The following CHKA variants were observed in gnomAD, a reference collection of about 807,000 sequenced individuals.
The protein encoded by CHKA is CHETK-alpha.
CHKA carries 34 observed loss-of-function variants against 60.1 expected under a neutral mutation model. That is an observed-to-expected ratio of 0.57 (90% CI 0.43 to 0.75). The LOEUF (loss-of-function observed/expected upper bound fraction) is 0.75. Ranked by LOEUF, CHKA falls within the 30% of genes least tolerant of loss-of-function variation. The pLI is 0.00. For synonymous variants in CHKA, 217 were observed against 223.1 expected (o/e 0.97, Z 0.24); for missense variants, 563 against 561.3 (o/e 1.00, Z -0.03).
In CHKA at chr11:68,070,827, A is replaced by G. The variant is rs368758229; in HGVS notation, c.661T>C (p.Leu221=). The change falls in exon 5 of 12, where the codon TTG becomes CTG. Residue 221 remains leucine (L), a synonymous_variant. Coordinates refer to ENST00000265689, the MANE Select transcript of CHKA (RefSeq NM_001277.3). ...SRRLDTEELS[L]PDISAEIAEK... The stretch of plus-strand genomic sequence containing the variant: ...GCGATTTCTGCAGAAATATCTGGCA[A>G]ACTTAATTCTTCAGTATCTAATCGC... 4.3e-6 allele frequency: 7 copies of G among 1,612,800 alleles called. No homozygotes were observed. In the African/African-American group the frequency reaches 9.3e-5, roughly 22 times the overall value.
At chr11:68,088,625 T>C (rs1165366766) in intron 2 of CHKA, among the ~76,000 whole-genome samples, 3 of 152,158 alleles carry the variant, frequency 2.0e-5, no homozygotes, top group Non-Finnish European at 4.4e-5. Context: ...TCAATTAACA[T>C]TTTGCAGTAT....
chr11:68,103,614 A>C (rs1438465305), intron 1 of CHKA, among the ~76,000 whole-genome samples: 1 of 147,246 alleles, frequency 6.8e-6, no homozygotes, highest in Admixed American at 6.8e-5. Flanking sequence ...AAGCAAGTTT[A>C]AAAAAAAAAA....
At chr11:68,114,034 G>C (rs1221700864) in intron 1 of CHKA, among the ~76,000 whole-genome samples, 1 of 151,840 alleles carries the variant, frequency 6.6e-6, no homozygotes, top group Admixed American at 6.6e-5. Flanking sequence ...ACCATTATAC[G>C]CCTACCAGAA....
intron 1 of CHKA, among the ~76,000 whole-genome samples, chr11:68,103,259 A>T (rs748215756): frequency 6.6e-6 from 1 of 152,012 alleles, no homozygotes; most frequent in Non-Finnish European, 1.5e-5. Context: ...GGAGGTTGAG[A>T]TGGGAGGATC....
chr11:68,065,650 A>G, intron 9 of CHKA, 136 bp downstream of exon 9: 1 of 619,552 alleles, frequency 1.6e-6, no homozygotes, highest in Non-Finnish European at 2.9e-6. Flanking sequence ...ACAGTGAGCC[A>G]TGATCGCACT....
chr11:68,108,352 C>A (rs1194652685), intron 1 of CHKA, among the ~76,000 whole-genome samples: 1 of 152,060 alleles, frequency 6.6e-6, no homozygotes, highest in African/African-American at 2.4e-5. Flanking sequence ...TACCACTCAA[C>A]CTTCTGGTTT....
At chr11:68,075,663 C>A (rs1269486010) in intron 3 of CHKA, among the ~76,000 whole-genome samples, 2 of 152,054 alleles carry the variant, frequency 1.3e-5, no homozygotes, top group Admixed American at 1.3e-4. Context: ...ACAGGCCAGG[C>A]GGTGGCTCAT....
chr11:68,119,146 A>AT (rs908942883), intron 1 of CHKA, among the ~76,000 whole-genome samples: 1 of 152,110 alleles, frequency 6.6e-6, no homozygotes, highest in East Asian at 1.9e-4. Context: ...AGAGAGCTGA[A>AT]TTTTTTTTAA....
intron 3 of CHKA, among the ~76,000 whole-genome samples, chr11:68,080,550 G>A (rs1856953430): frequency 6.6e-6 from 1 of 152,122 alleles, no homozygotes; most frequent in Admixed American, 6.5e-5. Context: ...GTTTCACCTT[G>A]TTGGCCAGGC....
chr11:68,058,634 G>T (rs562170981), intron 11 of CHKA, among the ~76,000 whole-genome samples: 1 of 152,186 alleles, frequency 6.6e-6, no homozygotes, highest in South Asian at 2.1e-4. Context: ...CATTCATTAG[G>T]TTAAGCAACT....
chr11:68,116,240 T>C (rs1302714130), intron 1 of CHKA, among the ~76,000 whole-genome samples: 1 of 152,174 alleles, frequency 6.6e-6, no homozygotes, highest in Middle Eastern at 3.2e-3. Flanking sequence ...TTAAACTTCA[T>C]TTCACAACTG....
intron 1 of CHKA, among the ~76,000 whole-genome samples, chr11:68,114,213 T>C (rs1858295058): frequency 6.6e-6 from 1 of 152,100 alleles, no homozygotes; most frequent in Non-Finnish European, 1.5e-5. Context: ...CCAGCAATCA[T>C]GCTCCTAAGT....
chr11:68,090,177 T>G (rs1565186106), intron 2 of CHKA, among the ~76,000 whole-genome samples: 1 of 152,220 alleles, frequency 6.6e-6, no homozygotes, highest in Non-Finnish European at 1.5e-5. Context: ...ATTTGGCAAC[T>G]ATCTTGGGAG....
chr11:68,054,141 AGGGCACG>A, intron 11 of CHKA, 94 bp from the exon 12 acceptor site: 1 of 1,083,086 alleles, frequency 9.2e-7, no homozygotes, highest in Non-Finnish European at 1.4e-6. Context: ...GCAAGAGCTG[AGGGCACG>A]GACCCATGAG....
At chr11:68,101,140 G>T (rs1941001018) in intron 1 of CHKA, among the ~76,000 whole-genome samples, 1 of 151,650 alleles carries the variant, frequency 6.6e-6, no homozygotes, top group African/African-American at 2.4e-5. Context: ...AGTAGAGACG[G>T]GGTTTCACCG....
At position 68,054,043 on chromosome 11, in the gene CHKA, T is replaced by C; in HGVS notation, c.1319A>G (p.Tyr440Cys). The C allele has an allele frequency of 1.9e-6, 3 of 1,612,538 alleles. No homozygotes were observed. The highest frequency in any genetic ancestry group is 2.5e-6 in the Non-Finnish European group (3 of 1,179,306). The change falls in exon 12 of 12, where the codon TAC (tyrosine) becomes TGC (cysteine). Residue 440 changes from tyrosine (Y) to cysteine (C), a missense_variant. Coordinates refer to ENST00000265689, the MANE Select transcript of CHKA (RefSeq NM_001277.3). Reference sequence around the variant, plus strand: ...ATAGGCATCAAACCTTGCTTGGGCGTAGTCCTAGGAGACAGCAAAGAGAAG... The same window carrying C: ...ATAGGCATCAAACCTTGCTTGGGCGCAGTCCTAGGAGACAGCAAAGAGAAG... ...ISSIEFGYMD[Y>C]AQARFDAYFH...
At chr11:68,070,995 GACACTGTGTCCCTACA>G in intron 4 of CHKA, 138 bp from the exon 5 acceptor site, 1 of 787,026 alleles carries the variant, frequency 1.3e-6, no homozygotes, top group Non-Finnish European at 2.0e-6. Flanking sequence ...CTTAAGAATG[GACACTGTGTCCCTACA>G]GACAGTGACC....
intron 2 of CHKA, among the ~76,000 whole-genome samples, chr11:68,089,660 C>A (rs1857290392): frequency 6.6e-6 from 1 of 152,218 alleles, no homozygotes; most frequent in African/African-American, 2.4e-5. Context: ...ATTCTGAAAT[C>A]TTAATCACTG....
chr11:68,096,432 A>C (rs1857518541), intron 2 of CHKA, among the ~76,000 whole-genome samples: 1 of 152,056 alleles, frequency 6.6e-6, no homozygotes, highest in Admixed American at 6.6e-5. Context: ...ATTAATAATA[A>C]TAATAATAAA....
Sources: allele counts gnomAD v4.1 joint callset (sites outside exome capture counted in the v4.1 genomes callset), GRCh38; gene constraint gnomAD v4.1.1; transcripts MANE v1.5; gene names NCBI Gene and HGNC (gene_info 2026-07-23, HGNC 2026-07-21).